Variants in ANXA4 observed in about 807,000 individuals in gnomAD.
ANXA4 encodes the protein annexin A4, also known as 35-beta calcimedin.
A neutral mutation model predicts 49.8 loss-of-function variants in ANXA4; 39 were observed. That is an observed-to-expected ratio of 0.78 (90% CI 0.61 to 1.02). The LOEUF is 1.02. Among genes scored for constraint, ANXA4 ranks in the 50% least tolerant of loss-of-function variants. ANXA4 has a pLI of 0.00. For missense variants in ANXA4, 360 were observed against 410.1 expected (o/e 0.88, Z 1.05); for synonymous variants, 134 against 152.5 (o/e 0.88, Z 0.89).
rs760075650 is a variant in ANXA4, at chr2:69,807,878, T to C, written c.307-28T>C. ...CCTCAGCTTTGTAAACTGGCTCATA[T>C]AGCCCTGTCCTCTGGTTTCTTGTTT... On this transcript the variant is annotated intron_variant, in intron 5 of 12. Coordinates refer to ENST00000394295, the MANE Select transcript of ANXA4 (RefSeq NM_001153.5). The C allele has an allele frequency of 5.0e-6, 8 of 1,605,582 alleles. No homozygotes were observed. The African/African-American group carries it at 5.4e-5, about 11-fold the overall frequency.
intron 1 of ANXA4, among the ~76,000 whole-genome samples, chr2:69,758,119 T>C (rs1671136164): frequency 3.3e-5 from 5 of 152,092 alleles, no homozygotes; most frequent in Non-Finnish European, 4.4e-5. Context: ...TTCAAGCAAT[T>C]CTTGTGCCTC....
At chr2:69,807,005 T>A (rs1422370128) in intron 5 of ANXA4, among the ~76,000 whole-genome samples, 1 of 152,176 alleles carries the variant, frequency 6.6e-6, no homozygotes, top group East Asian at 1.9e-4. Flanking sequence ...AAAAGTTAAA[T>A]TTTTTTAAAA....
At chr2:69,732,340 G>A (rs539062438) in intron 3 of ANXA4, among the ~76,000 whole-genome samples, 3 of 152,180 alleles carry the variant, frequency 2.0e-5, no homozygotes, top group Admixed American at 6.5e-5. Context: ...TGTGGGTGTC[G>A]CTCGCTGTGT....
chr2:69,815,527 A>G (rs1234918934), intron 8 of ANXA4: 1 of 152,230 alleles, frequency 6.6e-6, no homozygotes, highest in Non-Finnish European at 1.5e-5. Flanking sequence ...CTATATTCCT[A>G]CCTGGTTGGA....
exon 2 of ANXA4, chr2:69,653,077 C>G (rs762861778): frequency 2.0e-5 from 3 of 152,172 alleles, no homozygotes; most frequent in African/African-American, 7.2e-5. Flanking sequence ...TGAGGAACAA[C>G]AAGAAGCTAC....
intron 1 of ANXA4, among the ~76,000 whole-genome samples, chr2:69,647,378 T>A (rs894613503): frequency 1.4e-5 from 2 of 145,098 alleles, no homozygotes; most frequent in African/African-American, 5.2e-5. Context: ...GTTTTATTGT[T>A]TTATTTTTAT....
chr2:69,651,235 G>T (rs1271139948), intron 1 of ANXA4, among the ~76,000 whole-genome samples: 1 of 152,164 alleles, frequency 6.6e-6, no homozygotes, highest in Non-Finnish European at 1.5e-5. Context: ...GCCAGGCATG[G>T]TTCCATGTGC....
chr2:69,700,689 T>C (rs1049491729), intron 2 of ANXA4, among the ~76,000 whole-genome samples: 1 of 152,138 alleles, frequency 6.6e-6, no homozygotes, highest in African/African-American at 2.4e-5. Flanking sequence ...CTCTACGGAG[T>C]AGCGTGCTAT....
chr2:69,741,417 T>G (rs1670391773), upstream of ANXA4, among the ~76,000 whole-genome samples: 1 of 152,190 alleles, frequency 6.6e-6, no homozygotes, highest in Non-Finnish European at 1.5e-5. Flanking sequence ...AAGCCGAACC[T>G]GGGAGCTACG....
chr2:69,662,996 T>TC (rs1414836356), intron 2 of ANXA4, among the ~76,000 whole-genome samples: 1 of 145,122 alleles, frequency 6.9e-6, no homozygotes, highest in Non-Finnish European at 1.5e-5. Context: ...CTTTTTCTTT[T>TC]TTTTTTTTTT....
intron 2 of ANXA4, among the ~76,000 whole-genome samples, chr2:69,698,388 T>TA (rs1172212721): frequency 6.6e-6 from 1 of 152,158 alleles, no homozygotes; most frequent in East Asian, 1.9e-4. Context: ...TTTATGGAGC[T>TA]AAAAAACTGC....
intron 1 of ANXA4, among the ~76,000 whole-genome samples, chr2:69,781,007 G>A (rs1054352495): frequency 3.3e-5 from 5 of 152,274 alleles, no homozygotes; most frequent in East Asian, 1.9e-4. Context: ...GAATGGTGGC[G>A]GTGAAAATCG....
At chr2:69,737,193 T>A (rs1165748371), upstream of ANXA4, among the ~76,000 whole-genome samples, 1 of 152,256 alleles carries the variant, frequency 6.6e-6, no homozygotes, top group African/African-American at 2.4e-5. Flanking sequence ...TTCTGGATCC[T>A]TTATGTGAAA....
intron 2 of ANXA4, chr2:69,720,701 T>C (rs1323702521): frequency 1.3e-5 from 2 of 152,190 alleles, no homozygotes; most frequent in African/African-American, 4.8e-5. Context: ...ACATTCTCAA[T>C]CTGCCTATAT....
chr2:69,818,333 T>A (rs1346501493), intron 9 of ANXA4: 3 of 237,818 alleles, frequency 1.3e-5, no homozygotes, highest in African/African-American at 6.7e-5. Context: ...CCAGAGGCCA[T>A]CTCCATTTTA....
At chr2:69,733,278 C>T (rs1240067715) in intron 3 of ANXA4, among the ~76,000 whole-genome samples, 1 of 152,168 alleles carries the variant, frequency 6.6e-6, no homozygotes. Context: ...CAGCTGTCAT[C>T]TTAGATCTAA....
chr2:69,754,401 C>T (rs1375559124), intron 1 of ANXA4, among the ~76,000 whole-genome samples: 11 of 152,090 alleles, frequency 7.2e-5, no homozygotes, highest in African/African-American at 1.7e-4. Context: ...AATCACCTGG[C>T]GGGATTCTTG....
At chr2:69,769,893 C>A (rs909934583) in intron 1 of ANXA4, among the ~76,000 whole-genome samples, 2 of 152,304 alleles carry the variant, frequency 1.3e-5, no homozygotes, top group Non-Finnish European at 2.9e-5. Flanking sequence ...AAACTCCTGA[C>A]CTCAGGTGAT....
rs534393919 is a variant in ANXA4 at position 69,651,497 on chromosome 2, C to T, written n.482-1501C>T. On this transcript the variant is annotated intron_variant and non_coding_transcript_variant, in intron 1 of 3. Transcript: ENST00000418066. ...TACCTGTTTTTTAGTATCCATTTGTCTTGTTGTTGTTGTTGTTGTTTTTGA... is the reference window on the plus strand; with the variant it reads ...TACCTGTTTTTTAGTATCCATTTGTTTTGTTGTTGTTGTTGTTGTTTTTGA... 2.6e-5 allele frequency among the ~76,000 whole-genome samples: 4 copies of T among 151,888 alleles called. No individual in the cohort carries two copies. In the South Asian group the frequency reaches 8.3e-4, roughly 32 times the overall value.
Sources: allele counts gnomAD v4.1 joint callset (sites outside exome capture counted in the v4.1 genomes callset), GRCh38; gene constraint gnomAD v4.1.1; transcripts MANE v1.5; gene names NCBI Gene and HGNC (gene_info 2026-07-23, HGNC 2026-07-21).